Variants in GNA15 observed in about 807,000 individuals in gnomAD.
GNA15 encodes the protein guanine nucleotide-binding protein subunit alpha-15.
In GNA15, 23 loss-of-function variants were observed where a neutral mutation model predicts 40.1. The ratio of observed to expected loss-of-function variants is 0.57; its 90% CI spans 0.41 to 0.81. GNA15 has a LOEUF of 0.81. Ranked by LOEUF, GNA15 falls within the 40% of genes least tolerant of loss-of-function variation. The probability of loss-of-function intolerance (pLI) is 0.00; values close to 1 mark genes in which losing one functional copy is unlikely to be tolerated. For missense variants in GNA15, 522 were observed against 515.8 expected (o/e 1.01, Z -0.12); for synonymous variants, 226 against 210.4 (o/e 1.07, Z -0.64).
chr19:3,138,591 C>G lies in GNA15; in HGVS notation c.145+1996C>G, dbSNP rs537978409. Among the ~76,000 whole-genome samples the G allele has an allele frequency of 6.6e-5, 10 of 151,442 alleles. No homozygotes were observed. In the East Asian group the frequency reaches 1.7e-3, roughly 26 times the overall value. ...ATGGTGGGGACCCCCAGGAACTGCA[C>G]CTTCACTGGGGGCCCTTTCTTTCTT... On this transcript the variant is annotated intron_variant, in intron 1 of 6. Transcript: ENST00000262958.
chr19:3,148,537 G>A, intron 1 of GNA15, 54 bp from the exon 2 acceptor site: 5 of 1,486,234 alleles, frequency 3.4e-6, no homozygotes, highest in Non-Finnish European at 4.5e-6. Flanking sequence ...GGTTGGGGGT[G>A]TCGGGGGTGG....
In GNA15 at chr19:3,136,859, C is replaced by T. The variant is rs1460214799; in HGVS notation, c.145+264C>T. 1.3e-5 allele frequency among the ~76,000 whole-genome samples: 2 copies of T among 152,260 alleles called. No individual in the cohort carries two copies. Among genetic ancestry groups the T allele is most frequent in the Non-Finnish European group, 1.5e-5 (1 of 68,048 alleles). ...TGTGTGGGGCATATACAATAGCAGA[C>T]GTGGCTCTACCGGGCCCCTGCCGGG... On this transcript the variant is annotated intron_variant, in intron 1 of 6. Transcript: ENST00000262958. This position sits in a 1 kb window ranked among gnomAD's most constrained non-coding sequence, Gnocchi z 4.9.
intron 1 of GNA15, among the ~76,000 whole-genome samples, chr19:3,137,827 G>A (rs941755273): frequency 1.3e-5 from 2 of 151,936 alleles, no homozygotes; most frequent in African/African-American, 2.4e-5. Context: ...TGGGCATGGT[G>A]GCACACAGCT....
Position 3,140,044 on chromosome 19 carries a change from A to AATCTATCTATCT in GNA15, c.145+3480_145+3491dup, listed in dbSNP as rs59955919. On this transcript the variant is annotated intron_variant, in intron 1 of 6. Transcript: ENST00000262958. ...GTGAAACTCCATCTCAAAAAAAAAAAATCTATCTATCTATCTATCTATCTA... is the reference window on the plus strand; with the variant it reads ...GTGAAACTCCATCTCAAAAAAAAAAAATCTATCTATCTATCTATCTATCTATCTATCTATCTA... Among the ~76,000 whole-genome samples, 573 of 124,090 alleles carry AATCTATCTATCT rather than the reference A, an allele frequency of 4.6e-3. 6 individuals are homozygous for AATCTATCTATCT. Among genetic ancestry groups the AATCTATCTATCT allele is most frequent in the Middle Eastern group, 8.5e-3 (2 of 234 alleles). 81.4% of individuals were successfully genotyped at this position (124,090 alleles called of 152,430 possible). A position where few individuals can be genotyped will look rare whatever the true frequency, so the allele number is the denominator to read the frequency against.
rs568828926 is a variant in GNA15, at chr19:3,156,457, C to T, written c.744+505C>T. Among the ~76,000 whole-genome samples, 261 of 148,912 alleles carry T rather than the reference C, an allele frequency of 1.8e-3. 1 individual carries two copies. The highest frequency in any genetic ancestry group is 6.3e-3 in the African/African-American group (252 of 39,738). ...CACACACACAGTACACACATGCACA[C>T]GCACACACAGGCACACACACGCACA... On this transcript the variant is annotated intron_variant, in intron 5 of 6. Coordinates refer to ENST00000262958, the MANE Select transcript of GNA15 (RefSeq NM_002068.4).
chr19:3,162,053 AATG>A (rs1281760369), intron 6 of GNA15, among the ~76,000 whole-genome samples: 1 of 144,262 alleles, frequency 6.9e-6, no homozygotes, highest in East Asian at 2.0e-4. Context: ...TAATAATAAT[AATG>A]ATAATAATAA....
chr19:3,161,251 G>A (rs1178854663), intron 6 of GNA15, among the ~76,000 whole-genome samples: 1 of 152,116 alleles, frequency 6.6e-6, no homozygotes, highest in Non-Finnish European at 1.5e-5. Flanking sequence ...CTCATGCCTG[G>A]CCATGACCTA....
rs758456407 is a variant in GNA15 at position 3,163,001 on chromosome 19, C to T, written c.1107C>T (p.Asp369=). 1.9e-6 allele frequency: 3 copies of T among 1,612,774 alleles called. No individual in the cohort carries two copies. Among genetic ancestry groups the T allele is most frequent in the African/African-American group, 2.7e-5 (2 of 74,818 alleles). The change falls in exon 7 of 7, where the codon GAC becomes GAT. Residue 369 remains aspartate, a synonymous_variant. Transcript: ENST00000262958. ...VRDSVLARYL[D]EINLL is the part of the protein sequence containing the mutation. ...ACTCGGTGCTCGCCCGCTACCTGGA[C>T]GAGATCAACCTGCTGTGACCCAGGC...
chr19:3,139,648 C>G (rs1914531134), intron 1 of GNA15, among the ~76,000 whole-genome samples: 1 of 149,934 alleles, frequency 6.7e-6, no homozygotes, highest in South Asian at 2.1e-4. Flanking sequence ...GCCTGTAATC[C>G]CAGCACTTTG....
At chr19:3,145,357 A>T (rs866481519) in intron 1 of GNA15, among the ~76,000 whole-genome samples, 3,600 of 41,454 alleles carry the variant, frequency 0.087, 104 homozygotes, top group Non-Finnish European at 0.11. Context: ...ATATATATAT[A>T]TATTTTTTTT....
At chr19:3,140,804 A>T (rs1350476033) in intron 1 of GNA15, among the ~76,000 whole-genome samples, 2 of 152,176 alleles carry the variant, frequency 1.3e-5, no homozygotes, top group African/African-American at 4.8e-5. Flanking sequence ...CAGACACTGT[A>T]TCATATCTTC....
chr19:3,137,213 A>T (rs1220219040), intron 1 of GNA15, among the ~76,000 whole-genome samples: 1 of 152,264 alleles, frequency 6.6e-6, no homozygotes, highest in Non-Finnish European at 1.5e-5. Context: ...CCTGTGAAGG[A>T]GCCAAGACAT....
chr19:3,150,091 CAGAA>C (rs1182533677), intron 2 of GNA15, 36 bp from the exon 3 acceptor site: 1 of 1,588,642 alleles, frequency 6.3e-7, no homozygotes, highest in Non-Finnish European at 8.6e-7. Context: ...CAGCCCCACT[CAGAA>C]AGGCTACCCT....
At chr19:3,156,449 CAT>C (rs1915027726) in intron 5 of GNA15, among the ~76,000 whole-genome samples, 1 of 150,032 alleles carries the variant, frequency 6.7e-6, no homozygotes, top group East Asian at 2.0e-4. Flanking sequence ...ACAGTACACA[CAT>C]GCACACGCAC....
chr19:3,140,070 T>TCTATCTATC (rs1056893013), intron 1 of GNA15, among the ~76,000 whole-genome samples: 5 of 151,328 alleles, frequency 3.3e-5, no homozygotes, highest in Non-Finnish European at 7.4e-5. Context: ...TATCTATCTA[T>TCTATCTATC]CTATCTATCT....
At position 3,148,752 on chromosome 19, in the gene GNA15, C is replaced by T; in HGVS notation, c.307C>T (p.Pro103Ser). Residue 103 changes from proline to serine, a missense_variant, in exon 2 of 7, where the codon CCA becomes TCA. By Grantham distance (74) the Pro-to-Ser change is moderately conservative. Coordinates refer to ENST00000262958, the MANE Select transcript of GNA15 (RefSeq NM_002068.4). ...CGAGGCCATGGAGCGGCTGCAGATT[C>T]CATTCAGCAGGCCCGAGAGCAAGGT... is the stretch of plus-strand genomic sequence containing the variant. ...MIEAMERLQI[P>S]FSRPESKHHA... 1.2e-6 allele frequency: 2 copies of T among 1,601,880 alleles called. No homozygotes were observed. Among genetic ancestry groups the T allele is most frequent in the East Asian group, 2.3e-5 (1 of 44,424 alleles).
chr19:3,157,845 A>C lies in GNA15; in HGVS notation c.862A>C (p.Thr288Pro). The change falls in exon 6 of 7, where the codon ACC (threonine) becomes CCC (proline). Residue 288 changes from threonine (T) to proline (P), a missense_variant. Coordinates refer to ENST00000262958, the MANE Select transcript of GNA15 (RefSeq NM_002068.4). ...KTDILEEKIP[T>P]SHLATYFPSF... Reference sequence around the variant, plus strand: ...CGACATCCTGGAGGAGAAAATCCCCACCTCCCACCTGGCTACCTATTTCCC... The same window carrying C: ...CGACATCCTGGAGGAGAAAATCCCCCCCTCCCACCTGGCTACCTATTTCCC... The C allele has an allele frequency of 6.2e-7, 1 of 1,612,680 alleles. No individual in the cohort carries two copies. The highest frequency in any genetic ancestry group is 8.5e-7 in the Non-Finnish European group (1 of 1,179,120).
At position 3,145,917 on chromosome 19, in the gene GNA15, C is replaced by A. The variant is rs141424756; in HGVS notation, c.146-2674C>A. 5.0e-3 allele frequency among the ~76,000 whole-genome samples: 757 copies of A among 151,920 alleles called. 10 individuals are homozygous for A. Among genetic ancestry groups the A allele is most frequent in the African/African-American group, 0.018 (726 of 41,438 alleles). On this transcript the variant is annotated intron_variant, in intron 1 of 6. Transcript: ENST00000262958. The stretch of plus-strand genomic sequence containing the variant: ...CTGGAGAAACTGAGGACTGGAGAGT[C>A]GAGGCGGCCACCCCCGACCTGCCCC...
chr19:3,148,645 G>A lies in GNA15; in HGVS notation c.200G>A (p.Gly67Asp). 1.3e-6 allele frequency: 2 copies of A among 1,589,012 alleles called. No homozygotes were observed. The highest frequency in any genetic ancestry group is 1.7e-6 in the Non-Finnish European group (2 of 1,167,554). Residue 67 changes from glycine (G) to aspartate (D), a missense_variant, in exon 2 of 7, where the codon GGC becomes GAC. By Grantham distance (94) the Gly-to-Asp change is moderately conservative. Transcript: ENST00000262958. ...TFIKQMRIIHGAGYSEEERKG... is the reference protein window; with the variant it reads ...TFIKQMRIIHDAGYSEEERKG... ...ATCAAGCAGATGCGGATCATCCACG[G>A]CGCCGGCTACTCGGAGGAGGAGCGC...
Sources: gnomAD v4.1 joint callset for allele counts (sites outside exome capture counted in the v4.1 genomes callset) on GRCh38, gnomAD v4.1.1 for gene constraint, Gnocchi (gnomAD v3.1) non-coding constraint, MANE v1.5 for transcripts, NCBI Gene and HGNC (gene_info 2026-07-23, HGNC 2026-07-21) for gene names.